The following PCDHGA7 variants were observed in gnomAD, a reference collection of about 807,000 sequenced individuals.
PCDHGA7 encodes protocadherin gamma-A7.
A neutral mutation model predicts 58.3 loss-of-function variants in PCDHGA7; 44 were observed. That is an observed-to-expected ratio of 0.75 (90% CI 0.59 to 0.97). The LOEUF (loss-of-function observed/expected upper bound fraction) is 0.97, where lower values mean the gene tolerates loss of function less well. Among genes scored for constraint, PCDHGA7 ranks in the 50% least tolerant of loss-of-function variants. The probability of loss-of-function intolerance (pLI) is 0.00; values close to 1 mark genes in which losing one functional copy is unlikely to be tolerated. For missense variants in PCDHGA7, 1,266 were observed against 1,188.7 expected, an observed-to-expected ratio of 1.06 and a Z score of -0.96; for synonymous variants, 516 against 504.2, an observed-to-expected ratio of 1.02 and a Z score of -0.31.
intron 1 of PCDHGA7, among the ~76,000 whole-genome samples, chr5:141,469,311 T>C (rs970450899): frequency 3.3e-5 from 5 of 152,040 alleles, no homozygotes; most frequent in Admixed American, 3.3e-4. Context: ...GCACGATGGC[T>C]CACGCCTGTA....
At chr5:141,453,552 A>G (rs1005017830) in intron 1 of PCDHGA7, among the ~76,000 whole-genome samples, 2 of 152,188 alleles carry the variant, frequency 1.3e-5, no homozygotes, top group Non-Finnish European at 2.9e-5. Flanking sequence ...CACACTCTGT[A>G]GATAATCGAT....
Position 141,409,996 on chromosome 5 carries a change from G to C in PCDHGA7, c.2424+24673G>C, listed in dbSNP as rs1561724976. 8.7e-6 allele frequency: 14 copies of C among 1,613,014 alleles called. No homozygotes were observed. The Admixed American group carries it at 1.8e-4, about 21-fold the overall frequency. On this transcript the variant is annotated intron_variant, in intron 1 of 3. Transcript: ENST00000518325. ...AGGTGGTAGCGGTGGACGCCGACTC[G>C]GGACACAACGCCTGGCTGTCCTACC...
intron 1 of PCDHGA7, chr5:141,421,848 T>C (rs571838248): frequency 4.9e-5 from 79 of 1,613,634 alleles, no homozygotes; most frequent in Non-Finnish European, 6.0e-5. Flanking sequence ...AGAAAGAGGC[T>C]GCTCACCTGC....
intron 1 of PCDHGA7, chr5:141,422,082 G>A (rs2096622921): frequency 6.2e-7 from 1 of 1,612,284 alleles, no homozygotes; most frequent in East Asian, 2.2e-5. Context: ...TTCGGAACAT[G>A]GAAAGCAAGG....
Position 141,428,071 on chromosome 5 carries a change from C to T in PCDHGA7, c.2424+42748C>T, listed in dbSNP as rs968712502. ...AAGGTGGTGGCGGTGGACGCAGATTCGGGACACAACGCTTGGCTGTCCTAC... is the reference window on the plus strand; with the variant it reads ...AAGGTGGTGGCGGTGGACGCAGATTTGGGACACAACGCTTGGCTGTCCTAC... On this transcript the variant is annotated intron_variant, in intron 1 of 3. Transcript: ENST00000518325. The T allele has an allele frequency of 5.6e-6, 9 of 1,609,140 alleles. No homozygotes were observed. In the Middle Eastern group the frequency reaches 1.0e-3, roughly 184 times the overall value.
In PCDHGA7 at chr5:141,383,574, C is replaced by T. The variant is rs1338805390; in HGVS notation, c.675C>T (p.Thr225=). The stretch of plus-strand genomic sequence containing the variant: ...GCGGCGACCCGCCCCGATCCAGCAC[C>T]GCCCACATCCAGGTGACAGTGGTGG... ...SDGGDPPRSS[T]AHIQVTVVDV... Residue 225 remains threonine, a synonymous_variant, in exon 1 of 4, where the codon ACC becomes ACT. Transcript: ENST00000518325. The T allele has an allele frequency of 3.7e-6, 6 of 1,613,366 alleles. No homozygotes were observed. In the South Asian group the frequency reaches 5.5e-5, roughly 15 times the overall value.
intron 1 of PCDHGA7, chr5:141,394,385 G>C: frequency 6.2e-7 from 1 of 1,614,206 alleles, no homozygotes. Context: ...ACTATGAGCA[G>C]ATCCGAGACC....
chr5:141,410,110 C>T, intron 1 of PCDHGA7: 4 of 1,612,540 alleles, frequency 2.5e-6, no homozygotes, highest in Non-Finnish European at 3.4e-6. Flanking sequence ...GCGACAGGGA[C>T]GCAGCCCGCC....
intron 1 of PCDHGA7, chr5:141,433,010 C>A (rs1392666523): frequency 6.2e-7 from 1 of 1,614,178 alleles, no homozygotes. Flanking sequence ...GGCTTTCCTG[C>A]AGACCTATTC....
rs2099394683 is a variant in PCDHGA7, at chr5:141,476,602, C to G, written c.2425-18205C>G. 2.5e-6 allele frequency: 4 copies of G among 1,614,208 alleles called. No individual in the cohort carries two copies. The highest frequency in any genetic ancestry group is 2.2e-5 in the East Asian group (1 of 44,862). Reference sequence around the variant, plus strand: ...TTCCGCTCGAGAGCGCGCACGATCCCGATGTGGGAAGCAACTCTTTACAAA... The same window carrying G: ...TTCCGCTCGAGAGCGCGCACGATCCGGATGTGGGAAGCAACTCTTTACAAA... On this transcript the variant is annotated intron_variant, in intron 1 of 3. Transcript: ENST00000518325. This position sits in a 1 kb window ranked among gnomAD's most constrained non-coding sequence, Gnocchi z 7.6.
At position 141,432,818 on chromosome 5, in the gene PCDHGA7, T is replaced by C. The variant is rs370597280; in HGVS notation, c.2424+47495T>C. On this transcript the variant is annotated intron_variant, in intron 1 of 3. Transcript: ENST00000518325. This position sits in a 1 kb window ranked among gnomAD's most constrained non-coding sequence, Gnocchi z 6.0. The stretch of plus-strand genomic sequence containing the variant: ...CGAGTCTCCAGCTAACTCTGAAACC[T>C]CAGACCTCACTCTGTACCTGGTGGT... 9.9e-6 allele frequency: 16 copies of C among 1,614,106 alleles called. No individual in the cohort carries two copies. The highest frequency in any genetic ancestry group is 1.4e-5 in the Non-Finnish European group (16 of 1,179,986).
chr5:141,475,823 T>C (rs2099373850), intron 1 of PCDHGA7: 1 of 360,288 alleles, frequency 2.8e-6, no homozygotes, highest in Non-Finnish European at 5.0e-6. Context: ...TTCCTGGCGC[T>C]AGCGCGTGTC....
At chr5:141,398,019 A>T (rs2093601039) in intron 1 of PCDHGA7, 1 of 1,427,024 alleles carries the variant, frequency 7.0e-7, no homozygotes, top group Admixed American at 2.6e-5. Flanking sequence ...CGTTTCCTAA[A>T]CTGGAACTGG....
At chr5:141,389,363 C>A (rs776814041) in intron 1 of PCDHGA7, 5 of 1,613,868 alleles carry the variant, frequency 3.1e-6, no homozygotes, top group Non-Finnish European at 4.2e-6. Context: ...TGGCCAGTGA[C>A]CTGGAGCAGC....
At chr5:141,408,927 T>C (rs1220361067) in intron 1 of PCDHGA7, 5 of 1,613,512 alleles carry the variant, frequency 3.1e-6, no homozygotes, top group African/African-American at 1.3e-5. Context: ...CCCCCGGTTT[T>C]CAGCAGAGAC....
At chr5:141,389,736 G>C in intron 1 of PCDHGA7, 1 of 1,612,710 alleles carries the variant, frequency 6.2e-7, no homozygotes, top group Non-Finnish European at 8.5e-7. Context: ...CTTCAGCCTG[G>C]GGCTGCGCAC....
At chr5:141,492,703 G>A (rs2099743198) in intron 1 of PCDHGA7, among the ~76,000 whole-genome samples, 1 of 152,246 alleles carries the variant, frequency 6.6e-6, no homozygotes, top group Non-Finnish European at 1.5e-5. Flanking sequence ...CAACCCAGAA[G>A]CCTCGAGCAG....
At chr5:141,473,809 A>C (rs1230574978) in intron 1 of PCDHGA7, among the ~76,000 whole-genome samples, 2 of 152,242 alleles carry the variant, frequency 1.3e-5, no homozygotes, top group East Asian at 3.8e-4. Flanking sequence ...ACTGAGGAGC[A>C]GCTGGACAAT....
chr5:141,394,557 G>A (rs372165481), intron 1 of PCDHGA7: 23 of 1,613,964 alleles, frequency 1.4e-5, no homozygotes, highest in South Asian at 4.4e-5. Context: ...GCCCCGCTCC[G>A]CAGAGCGTGG....
Sources: gnomAD v4.1 joint callset for allele counts (sites outside exome capture counted in the v4.1 genomes callset) on GRCh38, gnomAD v4.1.1 for gene constraint, Gnocchi (gnomAD v3.1) non-coding constraint, MANE v1.5 for transcripts, NCBI Gene and HGNC (gene_info 2026-07-23, HGNC 2026-07-21) for gene names.